Variants in HPSE2 observed in about 807,000 individuals in gnomAD.
The protein encoded by HPSE2 is heparanase 2 (inactive).
HPSE2 carries 38 observed loss-of-function variants against 60.5 expected under a neutral mutation model. That is an observed-to-expected ratio of 0.63 (90% CI 0.48 to 0.82). The LOEUF (loss-of-function observed/expected upper bound fraction) is 0.82. HPSE2 is among the 40% of genes least tolerant of loss of function. The pLI, the probability that HPSE2 is intolerant of heterozygous loss-of-function variation, is 0.00. For synonymous variants in HPSE2, 295 were observed against 293.2 expected, an observed-to-expected ratio of 1.01 and a Z score of -0.06; for missense variants, 713 against 740.4, an observed-to-expected ratio of 0.96 and a Z score of 0.43.
chr10:99,264,437 T>C, the HPSE2 span, among the ~76,000 whole-genome samples: 236 of 152,278 alleles, frequency 1.5e-3, 1 homozygote, highest in Non-Finnish European at 2.6e-3. Context: ...TGGCTTTGCA[T>C]TTCTCTTTCC....
At chr10:99,296,972 G>C in the HPSE2 span, among the ~76,000 whole-genome samples, 1 of 152,182 alleles carries the variant, frequency 6.6e-6, no homozygotes, top group Non-Finnish European at 1.5e-5. Context: ...GGCAATTGAC[G>C]AGATGAGGAG....
chr10:99,123,176 T>C (rs990306991), intron 3 of HPSE2, among the ~76,000 whole-genome samples: 1 of 152,118 alleles, frequency 6.6e-6, no homozygotes, highest in Admixed American at 6.6e-5. Flanking sequence ...AAATAGATTA[T>C]ATCCAGAGTG....
intron 3 of HPSE2, among the ~76,000 whole-genome samples, chr10:99,101,657 C>G (rs1333359647): frequency 1.3e-5 from 2 of 152,204 alleles, no homozygotes; most frequent in African/African-American, 2.4e-5. Context: ...ACAGAACTCT[C>G]CACCCCAAAT....
chr10:98,613,657 C>T (rs766354947), intron 9 of HPSE2, among the ~76,000 whole-genome samples: 1 of 152,122 alleles, frequency 6.6e-6, no homozygotes, highest in Non-Finnish European at 1.5e-5. Context: ...TTATTGTGGG[C>T]CCCAGGGCAA....
chr10:99,071,028 A>C (rs1330556804), intron 3 of HPSE2, among the ~76,000 whole-genome samples: 1 of 151,900 alleles, frequency 6.6e-6, no homozygotes, highest in Non-Finnish European at 1.5e-5. Flanking sequence ...AGGTATGCAG[A>C]AGTGGGATTG....
chr10:99,307,312 G>A, the HPSE2 span, among the ~76,000 whole-genome samples: 4 of 152,148 alleles, frequency 2.6e-5, no homozygotes, highest in African/African-American at 4.8e-5. Context: ...ATATTAAATC[G>A]TATGTCTCAA....
chr10:98,649,266 TAGAA>T (rs1194298773), intron 6 of HPSE2, among the ~76,000 whole-genome samples: 7 of 152,144 alleles, frequency 4.6e-5, no homozygotes, highest in South Asian at 4.1e-4. Context: ...TAGGAGAAAA[TAGAA>T]AGGAGAAAGA....
chr10:98,510,795 T>C (rs75888615), intron 9 of HPSE2, among the ~76,000 whole-genome samples: 3,630 of 152,336 alleles, frequency 0.024, 53 homozygotes, highest in Middle Eastern at 0.044. Flanking sequence ...CCTTCTGTCA[T>C]GGAGGGCCGC....
chr10:99,296,405 C>G, the HPSE2 span, among the ~76,000 whole-genome samples: 1 of 152,180 alleles, frequency 6.6e-6, no homozygotes, highest in East Asian at 1.9e-4. Flanking sequence ...CACAGAGTTA[C>G]TGCCCCTTTC....
At chr10:98,822,064 T>A (rs188152115) in intron 3 of HPSE2, among the ~76,000 whole-genome samples, 1 of 152,288 alleles carries the variant, frequency 6.6e-6, no homozygotes, top group Non-Finnish European at 1.5e-5. Flanking sequence ...AATCTATATG[T>A]CTTTTAAAAA....
intron 3 of HPSE2, among the ~76,000 whole-genome samples, chr10:98,929,580 A>G (rs1954586184): frequency 7.0e-6 from 1 of 143,798 alleles, no homozygotes; most frequent in Admixed American, 6.9e-5. Context: ...AAGAATTCCA[A>G]CGTTCAAAAG....
chr10:98,701,337 G>T (rs558165090), intron 5 of HPSE2, among the ~76,000 whole-genome samples: 6 of 148,388 alleles, frequency 4.0e-5, no homozygotes, highest in African/African-American at 1.5e-4. Flanking sequence ...CATGTCCTTC[G>T]TAGGGACATG....
At chr10:99,060,396 T>C (rs1450756664) in intron 3 of HPSE2, among the ~76,000 whole-genome samples, 2 of 152,088 alleles carry the variant, frequency 1.3e-5, no homozygotes, top group Admixed American at 1.3e-4. Context: ...CAGTGGCTCA[T>C]GCCTGCAATC....
In HPSE2 at chr10:99,126,424, G is replaced by A. The variant is rs779600946; in HGVS notation, c.610+17814C>T. 6.6e-5 allele frequency among the ~76,000 whole-genome samples: 10 copies of A among 152,074 alleles called. No individual in the cohort carries two copies. Among genetic ancestry groups the A allele is most frequent in the East Asian group, 1.9e-4 (1 of 5,168 alleles). On this transcript the variant is annotated intron_variant, in intron 3 of 11. Coordinates refer to ENST00000370552, the MANE Select transcript of HPSE2 (RefSeq NM_021828.5). This position sits in a 1 kb window ranked among gnomAD's most constrained non-coding sequence, Gnocchi z 4.0. ...TCCAAGCTTTATGGCCCCACCCATC[G>A]CCTGGGAAACCAGAATAGTTACCCT...
At chr10:99,246,255 T>C in the HPSE2 span, among the ~76,000 whole-genome samples, 1 of 152,136 alleles carries the variant, frequency 6.6e-6, no homozygotes, top group Non-Finnish European at 1.5e-5. Context: ...ACAAGAAATA[T>C]TTATTGAGGT....
intron 3 of HPSE2, among the ~76,000 whole-genome samples, chr10:98,918,330 T>C (rs1191388990): frequency 6.6e-6 from 1 of 152,156 alleles, no homozygotes; most frequent in Non-Finnish European, 1.5e-5. Flanking sequence ...CATTACTGGG[T>C]ATATATCCAA....
chr10:98,815,263 C>G (rs1951258727), intron 3 of HPSE2, among the ~76,000 whole-genome samples: 1 of 152,144 alleles, frequency 6.6e-6, no homozygotes, highest in Non-Finnish European at 1.5e-5. Flanking sequence ...GCCTGGGCAA[C>G]AGAGCAAGAC....
At chr10:99,136,416 A>C (rs1182454886) in intron 3 of HPSE2, among the ~76,000 whole-genome samples, 1 of 152,190 alleles carries the variant, frequency 6.6e-6, no homozygotes, top group Non-Finnish European at 1.5e-5. Flanking sequence ...CTGATACCAA[A>C]GCCTGGCAGA....
chr10:99,014,200 C>T (rs1400886377), intron 3 of HPSE2, among the ~76,000 whole-genome samples: 2 of 152,214 alleles, frequency 1.3e-5, no homozygotes, highest in African/African-American at 4.8e-5. Context: ...CTGCAACGAG[C>T]CTCGCAAGCC....
Sources: gnomAD v4.1 joint callset for allele counts (sites outside exome capture counted in the v4.1 genomes callset) on GRCh38, gnomAD v4.1.1 for gene constraint, Gnocchi (gnomAD v3.1) non-coding constraint, MANE v1.5 for transcripts, NCBI Gene and HGNC (gene_info 2026-07-23, HGNC 2026-07-21) for gene names.